Variants in TCF20 observed in about 807,000 individuals in gnomAD.
The protein encoded by TCF20 is transcription factor 20.
Under a neutral mutation model 148.6 loss-of-function variants are expected in TCF20, and 3 were observed. The ratio of observed to expected loss-of-function variants is 0.02; its 90% CI spans 0.01 to 0.05. TCF20 has a LOEUF of 0.05. TCF20 is among the 10% of genes least tolerant of loss of function. The pLI is 1.00. For missense variants in TCF20, 2,350 were observed against 2,429.3 expected, an observed-to-expected ratio of 0.97 and a Z score of 0.69; for synonymous variants, 1,049 against 909.5, an observed-to-expected ratio of 1.15 and a Z score of -2.76.
intron 1 of TCF20, among the ~76,000 whole-genome samples, chr22:42,217,967 A>C (rs1266368520): frequency 6.6e-6 from 1 of 152,246 alleles, no homozygotes; most frequent in Non-Finnish European, 1.5e-5. Flanking sequence ...AACAATCGCT[A>C]AACATTCATG....
Position 42,210,154 on chromosome 22 carries a change from C to T in TCF20, c.5152G>A (p.Gly1718Ser). ...CGKWASYRNMGDLFGPFYPQD... is the reference protein window; with the variant it reads ...CGKWASYRNMSDLFGPFYPQD... ...GGATAAAAAGGTCCAAAGAGGTCAC[C>T]CATGTTCCGGTAACTGGCCCACTTG... Residue 1718 changes from glycine to serine, a missense_variant, in exon 2 of 6, where the codon GGT becomes AGT. Around this residue, in one of 7 missense-constraint regions of TCF20, gnomAD observed 374 missense variants for 398.3 expected, o/e 0.94. Transcript: ENST00000677622. This position sits in a 1 kb window ranked among gnomAD's most constrained non-coding sequence, Gnocchi z 4.7. 6.2e-7 allele frequency: 1 copy of T among 1,614,164 alleles called. No individual in the cohort carries two copies. Among genetic ancestry groups the T allele is most frequent in the Non-Finnish European group, 8.5e-7 (1 of 1,180,046 alleles).
intron 1 of TCF20, among the ~76,000 whole-genome samples, chr22:42,231,785 C>A (rs1489532653): frequency 1.3e-5 from 2 of 151,848 alleles, no homozygotes; most frequent in African/African-American, 4.8e-5. Context: ...AAAAATTAGC[C>A]AGGTGTGGTG....
rs1006338417 is a variant in TCF20, at chr22:42,215,429, A to T, written c.-36-88T>A. On this transcript the variant is annotated intron_variant, in intron 1 of 5. Coordinates refer to ENST00000677622, the MANE Select transcript of TCF20 (RefSeq NM_001378418.1). ...TAGATGATGGAGGGAATAAAGATGA[A>T]TCAGAGGCCCAGATGAAGCTGACTG... 20 of 1,451,320 alleles carry T rather than the reference A, an allele frequency of 1.4e-5. 1 individual carries two copies. The highest frequency in any genetic ancestry group is 2.5e-4 in the Middle Eastern group (1 of 4,080). The allele number at this position is 1,451,320 out of a possible 1,614,324, so 89.9% of individuals were successfully genotyped here. A position where few individuals can be genotyped will look rare whatever the true frequency, so the allele number is the denominator to read the frequency against.
intron 2 of TCF20, among the ~76,000 whole-genome samples, chr22:42,197,322 CTTTT>C (rs546243265): frequency 6.5e-4 from 87 of 134,200 alleles, no homozygotes; most frequent in Non-Finnish European, 1.1e-3. Context: ...AGATGAGAAA[CTTTT>C]TTTTTTTTTT....
chr22:42,180,067 G>A (rs966391013), intron 2 of TCF20, among the ~76,000 whole-genome samples: 2 of 152,110 alleles, frequency 1.3e-5, no homozygotes, highest in African/African-American at 2.4e-5. Flanking sequence ...TATCGTGAGC[G>A]GCCTGCAGAT....
At chr22:42,182,574 T>G (rs1022479685) in intron 2 of TCF20, among the ~76,000 whole-genome samples, 3 of 152,182 alleles carry the variant, frequency 2.0e-5, no homozygotes, top group Non-Finnish European at 4.4e-5. Context: ...AACTCCACTA[T>G]GATTAATTTA....
In TCF20 at chr22:42,214,952, A is replaced by G. The variant is rs34161538; in HGVS notation, c.354T>C (p.Tyr118=). The change falls in exon 2 of 6, where the codon TAT becomes TAC. Residue 118 remains tyrosine (Y), a synonymous_variant. Coordinates refer to ENST00000677622, the MANE Select transcript of TCF20 (RefSeq NM_001378418.1). ...QRRPSGPVQS[Y]GPPQGSSFGN... is the part of the protein sequence containing the mutation. ...CAAAGCTGCTCCCCTGGGGGGGTCC[A>G]TAGCTCTGCACAGGCCCAGAAGGCC... 1,615 of 1,614,208 alleles carry G rather than the reference A, an allele frequency of 1.0e-3. 17 individuals carry two copies. In the African/African-American group the frequency reaches 0.019, roughly 19 times the overall value.
rs140393592 is a variant in TCF20 at position 42,174,648 on chromosome 22, T to C, written c.5750-4752A>G. ...GGTACATGCCTGTATTCCCAGCTAG[T>C]TGGGAGGATCGCTTGAGCCTAAGAG... On this transcript the variant is annotated intron_variant, in intron 3 of 5. Coordinates refer to ENST00000677622, the MANE Select transcript of TCF20 (RefSeq NM_001378418.1). Among the ~76,000 whole-genome samples the C allele has an allele frequency of 1.0e-3, 152 of 152,316 alleles. 1 individual carries two copies. Among genetic ancestry groups the C allele is most frequent in the Middle Eastern group, 3.4e-3 (1 of 294 alleles).
intron 1 of TCF20, among the ~76,000 whole-genome samples, chr22:42,226,352 G>GTAAT (rs1221166399): frequency 6.6e-6 from 1 of 152,222 alleles, no homozygotes; most frequent in African/African-American, 2.4e-5. Flanking sequence ...CAAAAGGGAG[G>GTAAT]TAATTAGTGT....
At chr22:42,233,200 G>T (rs1219328194) in intron 1 of TCF20, among the ~76,000 whole-genome samples, 1 of 152,064 alleles carries the variant, frequency 6.6e-6, no homozygotes, top group Non-Finnish European at 1.5e-5. Context: ...AGGATTACAG[G>T]TGTGAGCCAT....
At chr22:42,216,067 A>G (rs948117129) in intron 1 of TCF20, among the ~76,000 whole-genome samples, 1 of 135,992 alleles carries the variant, frequency 7.4e-6, no homozygotes, top group Non-Finnish European at 1.6e-5. Context: ...GTGGGGTAAG[A>G]AAAACCAAAT....
At position 42,210,665 on chromosome 22, in the gene TCF20, C is replaced by T; in HGVS notation, c.4641G>A (p.Val1547=). Residue 1547 remains valine, a synonymous_variant, in exon 2 of 6, where the codon GTG becomes GTA. Transcript: ENST00000677622. This position sits in a 1 kb window ranked among gnomAD's most constrained non-coding sequence, Gnocchi z 4.7. The part of the protein sequence containing the change: ...GKKKGRPIGS[V]NKQKKQQQPP... The stretch of plus-strand genomic sequence containing the variant: ...GCTGCTGCTGTTTCTTTTGCTTATT[C>T]ACACTACCAATGGGTCTCCCCTTCT... 6.2e-7 allele frequency: 1 copy of T among 1,614,176 alleles called. No homozygotes were observed. Among genetic ancestry groups the T allele is most frequent in the Middle Eastern group, 1.7e-4 (1 of 6,060 alleles).
At chr22:42,222,488 A>AC (rs55916969) in intron 1 of TCF20, among the ~76,000 whole-genome samples, 18,973 of 150,748 alleles carry the variant, frequency 0.13, 1,638 homozygotes, top group Non-Finnish European at 0.2. Flanking sequence ...ACACCATCAC[A>AC]CCCCCCCATA....
At position 42,211,172 on chromosome 22, in the gene TCF20, G is replaced by A. The variant is rs759654221; in HGVS notation, c.4134C>T (p.Asp1378=). 6.2e-7 allele frequency: 1 copy of A among 1,614,150 alleles called. No homozygotes were observed. The part of the protein sequence containing the change: ...ASSNSAEAGG[D]TVTLDDILSL... ...ACAGTATATCATCAAGCGTAACCGT[G>A]TCTCCCCCAGCCTCCGCACTGTTCG... Residue 1378 remains aspartate (D), a synonymous_variant, in exon 2 of 6, where the codon GAC becomes GAT. Transcript: ENST00000677622.
intron 2 of TCF20, among the ~76,000 whole-genome samples, chr22:42,202,705 C>G (rs1369040785): frequency 6.6e-6 from 1 of 152,194 alleles, no homozygotes; most frequent in Non-Finnish European, 1.5e-5. Context: ...GAGGAGGAAC[C>G]TCCATTTTCC....
intron 2 of TCF20, among the ~76,000 whole-genome samples, chr22:42,204,982 GCAAAGACTC>G: frequency 6.6e-6 from 1 of 152,298 alleles, no homozygotes; most frequent in Non-Finnish European, 1.5e-5. Context: ...AGGGGAACAA[GCAAAGACTC>G]CCCGACTCCC....
At chr22:42,164,872 G>C (rs1006316151) in intron 5 of TCF20, among the ~76,000 whole-genome samples, 4 of 152,198 alleles carry the variant, frequency 2.6e-5, no homozygotes, top group Non-Finnish European at 4.4e-5. Flanking sequence ...CAGAAGCCCA[G>C]AGGAAGGAAG....
intron 5 of TCF20, among the ~76,000 whole-genome samples, chr22:42,167,844 T>C (rs1935883416): frequency 2.0e-5 from 3 of 151,574 alleles, no homozygotes; most frequent in African/African-American, 7.3e-5. Context: ...CAGCTCAGCC[T>C]CCTGAGTAGA....
At position 42,212,203 on chromosome 22, in the gene TCF20, G is replaced by C; in HGVS notation, c.3103C>G (p.Pro1035Ala). Reference sequence around the variant, plus strand: ...GCCCTCTCTGAAAAGGTCATGTGTGGATTCATGTGATGAGGGTCTCCCCCT... The same window carrying C: ...GCCCTCTCTGAAAAGGTCATGTGTGCATTCATGTGATGAGGGTCTCCCCCT... Reference protein sequence around the residue: ...GPGGDPHHMNPHMTFSERANR... With the variant: ...GPGGDPHHMNAHMTFSERANR... Residue 1035 changes from proline to alanine, a missense_variant, in exon 2 of 6, where the codon CCA (proline) becomes GCA (alanine). This residue lies in a region of TCF20 where 1,641 missense variants were observed against 1,662.6 expected (regional missense o/e 0.99). Transcript: ENST00000677622. 6.2e-7 allele frequency: 1 copy of C among 1,614,220 alleles called. No homozygotes were observed. Among genetic ancestry groups the C allele is most frequent in the African/African-American group, 1.3e-5 (1 of 75,038 alleles).
Sources: allele counts gnomAD v4.1 joint callset (sites outside exome capture counted in the v4.1 genomes callset), GRCh38; gene constraint gnomAD v4.1.1; regional missense constraint gnomAD v4.1.1; non-coding constraint Gnocchi (gnomAD v3.1); transcripts MANE v1.5; gene names NCBI Gene and HGNC (gene_info 2026-07-23, HGNC 2026-07-21).